Variants in ADA2 observed in about 807,000 individuals in gnomAD.
ADA2 encodes the protein adenosine deaminase CECR1.
ADA2 carries 29 observed loss-of-function variants against 44.2 expected under a neutral mutation model. The ratio of observed to expected loss-of-function variants is 0.66; its 90% CI spans 0.49 to 0.89. The LOEUF (loss-of-function observed/expected upper bound fraction) is 0.89. Among genes scored for constraint, ADA2 ranks in the 40% least tolerant of loss-of-function variants. ADA2 has a pLI of 0.00. For missense variants in ADA2, 637 were observed against 644.8 expected, an observed-to-expected ratio of 0.99 and a Z score of 0.13; for synonymous variants, 215 against 234.9, an observed-to-expected ratio of 0.92 and a Z score of 0.77.
At chr22:17,194,604 A>G (rs2062166789) in intron 4 of ADA2, among the ~76,000 whole-genome samples, 2 of 151,980 alleles carry the variant, frequency 1.3e-5, no homozygotes, top group African/African-American at 4.8e-5. Flanking sequence ...GGCACGTCAC[A>G]CAGCCCCCCA....
chr22:17,199,442 C>CCCTCCCTCCCCCCCTCTATCCTCTTT, intron 4 of ADA2: 1 of 1,022,718 alleles, frequency 9.8e-7, no homozygotes, highest in Non-Finnish European at 1.5e-6. Flanking sequence ...CTATCCTCTT[C>CCCTCCCTCCCCCCCTCTATCCTCTTT]CCCTCCACCC....
chr22:17,191,594 C>T, intron 5 of ADA2, 89 bp downstream of exon 5: 3 of 1,433,752 alleles, frequency 2.1e-6, no homozygotes, highest in Non-Finnish European at 2.9e-6. Context: ...GCCTCCCAGC[C>T]CCGCTTCTCA....
rs895712215 is a variant in ADA2 at position 17,189,866 on chromosome 22, A to T, written c.972+76T>A. On this transcript the variant is annotated intron_variant, in intron 6 of 9. Coordinates refer to ENST00000399837, the MANE Select transcript of ADA2 (RefSeq NM_001282225.2). ...GGCACATTGCGCTCCCTTCCCAGGGAGTTGCCGCTCCACCCAGACAGGCAT... is the reference window on the plus strand; with the variant it reads ...GGCACATTGCGCTCCCTTCCCAGGGTGTTGCCGCTCCACCCAGACAGGCAT... 1.5e-5 allele frequency: 16 copies of T among 1,040,138 alleles called. No homozygotes were observed. In the Admixed American group the frequency reaches 2.9e-4, roughly 19 times the overall value. The allele number at this position is 1,040,138 out of a possible 1,614,324, so 64.4% of individuals were successfully genotyped here.
At chr22:17,210,363 T>C (rs1257194053) in intron 1 of ADA2, among the ~76,000 whole-genome samples, 2 of 151,542 alleles carry the variant, frequency 1.3e-5, no homozygotes, top group African/African-American at 4.8e-5. Context: ...GCTAATTTTG[T>C]ATTTTTAGTA....
At chr22:17,208,366 G>A (rs550449988) in intron 2 of ADA2, among the ~76,000 whole-genome samples, 129 of 149,288 alleles carry the variant, frequency 8.6e-4, no homozygotes, top group Middle Eastern at 3.5e-3. Context: ...GGATGTTGCA[G>A]TGAGCTGAGA....
In ADA2 at chr22:17,207,091, G is replaced by A. The variant is rs746651975; in HGVS notation, c.522C>T (p.Asn174=). ...LLEDYRKRVQ[N]VTEFDDSLLR... The stretch of plus-strand genomic sequence containing the variant: ...CTCACCTGTCATCAAACTCAGTGAC[G>A]TTCTGCACCCGCTTCCGATAATCCT... Residue 174 remains asparagine, a synonymous_variant, in exon 3 of 10, where the codon AAC becomes AAT. Transcript: ENST00000399837. 8 of 1,614,146 alleles carry A rather than the reference G, an allele frequency of 5.0e-6. No homozygotes were observed. The highest frequency in any genetic ancestry group is 4.5e-5 in the East Asian group (2 of 44,884).
intron 4 of ADA2, chr22:17,193,190 G>C: frequency 7.6e-7 from 1 of 1,324,420 alleles, no homozygotes; most frequent in Non-Finnish European, 1.1e-6. Context: ...CAATCTCCCT[G>C]TGCTGACATC....
intron 4 of ADA2, among the ~76,000 whole-genome samples, chr22:17,200,672 A>G (rs148726894): frequency 0.016 from 2,416 of 152,222 alleles, 67 homozygotes; most frequent in African/African-American, 0.055. Flanking sequence ...ACCTGAGGTC[A>G]GGAGTGCAAG....
chr22:17,204,959 T>G (rs2062337663), intron 3 of ADA2, among the ~76,000 whole-genome samples: 1 of 151,796 alleles, frequency 6.6e-6, no homozygotes, highest in Non-Finnish European at 1.5e-5. Context: ...CCACATCTGG[T>G]TAATTTTTTA....
intron 1 of ADA2, among the ~76,000 whole-genome samples, chr22:17,218,942 A>T (rs1203708872): frequency 6.6e-6 from 1 of 152,154 alleles, no homozygotes; most frequent in African/African-American, 2.4e-5. Context: ...AGATCACCTG[A>T]CGTCAGTCGT....
intron 2 of ADA2, among the ~76,000 whole-genome samples, chr22:17,208,226 C>CTCCTGA (rs1443793948): frequency 4.0e-5 from 6 of 150,266 alleles, no homozygotes; most frequent in African/African-American, 1.5e-4. Flanking sequence ...GAGTTCGAGA[C>CTCCTGA]CAGCCTGACT....
chr22:17,190,579 C>G lies in ADA2; in HGVS notation c.882-547G>C, dbSNP rs755742747. Among the ~76,000 whole-genome samples the G allele has an allele frequency of 1.3e-5, 2 of 152,000 alleles. 1 individual carries two copies. Reference sequence around the variant, plus strand: ...GCATGACAACAAAAGCCCCAAAACACAGGGTCTGGCGCAAGCCCACGACAG... The same window carrying G: ...GCATGACAACAAAAGCCCCAAAACAGAGGGTCTGGCGCAAGCCCACGACAG... On this transcript the variant is annotated intron_variant, in intron 5 of 9. Coordinates refer to ENST00000399837, the MANE Select transcript of ADA2 (RefSeq NM_001282225.2).
intron 8 of ADA2, 134 bp downstream of exon 8, chr22:17,182,470 C>T: frequency 3.3e-6 from 3 of 897,588 alleles, no homozygotes; most frequent in Non-Finnish European, 5.3e-6. Flanking sequence ...ACTTTACTAA[C>T]AGGGGTAGGA....
intron 1 of ADA2, among the ~76,000 whole-genome samples, chr22:17,212,784 T>TC (rs1038007570): frequency 8.6e-5 from 13 of 151,536 alleles, no homozygotes; most frequent in African/African-American, 3.1e-4. Context: ...TTTCTTTCTT[T>TC]TTTTTTTTTC....
intron 9 of ADA2, 62 bp downstream of exon 9, chr22:17,181,758 A>G (rs2061971137): frequency 7.0e-7 from 1 of 1,429,328 alleles, no homozygotes; most frequent in Admixed American, 1.7e-5. Flanking sequence ...GCCTCCAGAG[A>G]GGCAAACACA....
chr22:17,211,044 TA>T (rs922254570), intron 1 of ADA2, among the ~76,000 whole-genome samples: 45 of 150,620 alleles, frequency 3.0e-4, no homozygotes, highest in Non-Finnish European at 6.1e-4. Flanking sequence ...ACCTTGTCTC[TA>T]AAAAAAATAT....
rs187256666 is a variant in ADA2 at position 17,215,973 on chromosome 22, G to A, written c.-47+3383C>T. Reference sequence around the variant, plus strand: ...AAAATTATCGGCAGGCAGATCACGAGGTCAGGAGTTCGAGACCAGCCTGAC... The same window carrying A: ...AAAATTATCGGCAGGCAGATCACGAAGTCAGGAGTTCGAGACCAGCCTGAC... On this transcript the variant is annotated intron_variant, in intron 1 of 9. Coordinates refer to ENST00000399837, the MANE Select transcript of ADA2 (RefSeq NM_001282225.2). Among the ~76,000 whole-genome samples the A allele has an allele frequency of 3.0e-3, 454 of 152,022 alleles. 4 individuals are homozygous for A. Among genetic ancestry groups the A allele is most frequent in the African/African-American group, 9.9e-3 (409 of 41,448 alleles).
intron 7 of ADA2, among the ~76,000 whole-genome samples, chr22:17,183,675 C>T (rs535545814): frequency 1.5e-4 from 22 of 151,078 alleles, no homozygotes; most frequent in Non-Finnish European, 2.5e-4. Flanking sequence ...TCGGCCAGGC[C>T]GGTCTCAAAC....
Position 17,209,672 on chromosome 22 carries a change from C to A in ADA2, c.6G>T (p.Leu2Phe). 1 of 1,611,470 alleles carries A rather than the reference C, an allele frequency of 6.2e-7. No individual in the cohort carries two copies. The highest frequency in any genetic ancestry group is 8.5e-7 in the Non-Finnish European group (1 of 1,179,078). Residue 2 changes from leucine (L) to phenylalanine (F), a missense_variant, in exon 2 of 10, where the codon TTG (leucine) becomes TTT (phenylalanine). Coordinates refer to ENST00000399837, the MANE Select transcript of ADA2 (RefSeq NM_001282225.2). Reference protein sequence around the residue: MLVDGPSERPAL... With the variant: MFVDGPSERPAL... ...CTGGCCGCTCAGATGGGCCATCCAC[C>A]AACATCGGGATGCCTGGACTAGGAA...
Sources: gnomAD v4.1 joint callset for allele counts (sites outside exome capture counted in the v4.1 genomes callset) on GRCh38, gnomAD v4.1.1 for gene constraint, MANE v1.5 for transcripts, NCBI Gene and HGNC (gene_info 2026-07-23, HGNC 2026-07-21) for gene names.